MOB1A: variants seen among roughly 807,000 people sequenced by gnomAD.
MOB1A encodes the protein MOB1 Mps One Binder homolog A.
In MOB1A, 10 loss-of-function variants were observed where a neutral mutation model predicts 25.1. That is an observed-to-expected ratio of 0.40 (90% CI 0.25 to 0.68). The LOEUF (loss-of-function observed/expected upper bound fraction) is 0.68, where lower values mean the gene tolerates loss of function less well. Ranked by LOEUF, MOB1A falls within the 30% of genes least tolerant of loss-of-function variation. The pLI is 0.40. For missense variants in MOB1A, 177 were observed against 256.3 expected (o/e 0.69, Z 2.11); for synonymous variants, 81 against 79.5 (o/e 1.02, Z -0.10).
intron 4 of MOB1A, among the ~76,000 whole-genome samples, chr2:74,161,089 T>C (rs941395249): frequency 6.6e-6 from 1 of 152,060 alleles, no homozygotes; most frequent in Non-Finnish European, 1.5e-5. Flanking sequence ...AAACCTACAT[T>C]AGTTGGCCTT....
Position 74,155,051 on chromosome 2 carries a change from A to G in MOB1A, c.*1517T>C, listed in dbSNP as rs1692765363. On this transcript the variant is annotated 3_prime_UTR_variant, in exon 6 of 6. Coordinates refer to ENST00000396049, the MANE Select transcript of MOB1A (RefSeq NM_018221.5). ...AAAAATAAATCTAAAAAAAAACATC[A>G]AATCTAACCTTTATCAAAGCCATCG... 1.3e-5 allele frequency: 2 copies of G among 152,240 alleles called. No homozygotes were observed. Among genetic ancestry groups the G allele is most frequent in the Admixed American group, 1.3e-4 (2 of 15,284 alleles). The allele number at this position is 152,240 out of a possible 1,614,324, so 9.4% of individuals were successfully genotyped here.
intron 1 of MOB1A, 92 bp from the exon 2 acceptor site, chr2:74,172,844 AAAAAT>A (rs1490357137): frequency 7.5e-7 from 1 of 1,332,474 alleles, no homozygotes; most frequent in East Asian, 2.5e-5. Context: ...AGTAGCCTGT[AAAAAT>A]AAAATAAAAA....
At position 74,156,497 on chromosome 2, in the gene MOB1A, A is replaced by G; in HGVS notation, c.*71T>C. 5 of 1,118,030 alleles carry G rather than the reference A, an allele frequency of 4.5e-6. No homozygotes were observed. Among genetic ancestry groups the G allele is most frequent in the Non-Finnish European group, 5.3e-6 (4 of 753,258 alleles). 69.3% of individuals were successfully genotyped at this position (1,118,030 alleles called of 1,614,324 possible). A position where few individuals can be genotyped will look rare whatever the true frequency, so the allele number is the denominator to read the frequency against. On this transcript the variant is annotated 3_prime_UTR_variant, in exon 6 of 6. Transcript: ENST00000396049. ...TTCTTAAAGTTTGTATCACTAGTCT[A>G]TAACAGATAGCAATGAGATAGTTCT...
intron 2 of MOB1A, 81 bp downstream of exon 2, chr2:74,172,505 A>C: frequency 7.5e-7 from 1 of 1,331,524 alleles, no homozygotes; most frequent in Non-Finnish European, 1.0e-6. Context: ...AAACAGTTCT[A>C]ACTGTAAAAG....
rs553156406 is a variant in MOB1A, at chr2:74,156,624, G to A, written c.595C>T (p.Arg199Cys). 3.2e-6 allele frequency: 5 copies of A among 1,554,402 alleles called. No homozygotes were observed. The highest frequency in any genetic ancestry group is 1.9e-5 in the Admixed American group (1 of 51,408). ...AATTCTTGAAGAGGTGCCAGCTCAC[G>A]CCTATCAATCAGATTAAACTCCTAA... is the stretch of plus-strand genomic sequence containing the variant. ...FVQEFNLIDRRELAPLQELIE... is the reference protein window; with the variant it reads ...FVQEFNLIDRCELAPLQELIE... Residue 199 changes from arginine (R) to cysteine (C), a missense_variant, in exon 6 of 6, where the codon CGT becomes TGT. By Grantham distance (180) the Arg-to-Cys change is radical. Transcript: ENST00000396049.
chr2:74,156,803 CTTTTT>C (rs766417864), intron 5 of MOB1A, among the ~76,000 whole-genome samples, 158 bp from the exon 6 acceptor site: 3 of 149,068 alleles, frequency 2.0e-5, no homozygotes, highest in South Asian at 4.3e-4. Flanking sequence ...TATTCTTTTT[CTTTTT>C]TTTTTCTTTT....
intron 2 of MOB1A, among the ~76,000 whole-genome samples, chr2:74,170,001 TG>T (rs2103729219): frequency 6.6e-6 from 1 of 152,244 alleles, no homozygotes; most frequent in Admixed American, 6.5e-5. Context: ...AGAGGGTAAG[TG>T]GATCTGAGAC....
At chr2:74,177,290 T>C (rs575072410) in intron 1 of MOB1A, among the ~76,000 whole-genome samples, 4 of 151,464 alleles carry the variant, frequency 2.6e-5, no homozygotes, top group African/African-American at 9.7e-5. Flanking sequence ...GAGGCAGAGG[T>C]TGCAGTGAGC....
chr2:74,176,441 G>C (rs2103752353), intron 1 of MOB1A, among the ~76,000 whole-genome samples: 1 of 151,566 alleles, frequency 6.6e-6, no homozygotes, highest in South Asian at 2.1e-4. Flanking sequence ...GTATAAAGAA[G>C]TCCTACAACT....
intron 2 of MOB1A, among the ~76,000 whole-genome samples, chr2:74,169,234 G>A (rs1693214406): frequency 6.6e-6 from 1 of 152,220 alleles, no homozygotes; most frequent in African/African-American, 2.4e-5. Flanking sequence ...GGGTGCAGTG[G>A]CTCACGCCTG....
At chr2:74,164,538 A>G (rs1693071890) in intron 4 of MOB1A, 1 of 152,022 alleles carries the variant, frequency 6.6e-6, no homozygotes, top group South Asian at 2.1e-4. Flanking sequence ...AAAATAAAAA[A>G]AGAAAACATG....
rs1693558168 is a variant in MOB1A at position 74,178,847 on chromosome 2, T to G, written c.-173A>C. 1 of 400,392 alleles carries G rather than the reference T, an allele frequency of 2.5e-6. No individual in the cohort carries two copies. 24.8% of individuals were successfully genotyped at this position (400,392 alleles called of 1,614,324 possible). A position where few individuals can be genotyped will look rare whatever the true frequency, so the allele number is the denominator to read the frequency against. ...GCCTTTGCAAACCTCGGCGCCCGCC[T>G]TGCCCGCCTACCCCACCTCGCAGAC... On this transcript the variant is annotated 5_prime_UTR_variant, in exon 1 of 6. Coordinates refer to ENST00000396049, the MANE Select transcript of MOB1A (RefSeq NM_018221.5).
chr2:74,158,773 T>C, intron 5 of MOB1A, among the ~76,000 whole-genome samples: 1 of 131,464 alleles, frequency 7.6e-6, no homozygotes, highest in Non-Finnish European at 1.5e-5. Flanking sequence ...AGTGAGACCC[T>C]GTCTCAAAAA....
At chr2:74,161,827 C>T (rs1211291269) in intron 4 of MOB1A, among the ~76,000 whole-genome samples, 2 of 151,768 alleles carry the variant, frequency 1.3e-5, no homozygotes, top group African/African-American at 2.4e-5. Flanking sequence ...TGGTGGCACA[C>T]GTGCCTGTGG....
chr2:74,160,182 A>G, intron 4 of MOB1A, among the ~76,000 whole-genome samples: 1 of 152,000 alleles, frequency 6.6e-6, no homozygotes, highest in Non-Finnish European at 1.5e-5. Flanking sequence ...GTAATTTGTA[A>G]CTCTAAAGAA....
At chr2:74,170,288 C>G (rs981264925) in intron 2 of MOB1A, among the ~76,000 whole-genome samples, 2 of 151,604 alleles carry the variant, frequency 1.3e-5, no homozygotes, top group African/African-American at 4.8e-5. Context: ...CAGGTGCGTG[C>G]CACCACACCT....
rs527441666 is a variant in MOB1A at position 74,161,627 on chromosome 2, C to A, written c.410-2373G>T. 1.4e-5 allele frequency among the ~76,000 whole-genome samples: 2 copies of A among 142,292 alleles called. 1 individual carries two copies. The highest frequency in any genetic ancestry group is 4.2e-4 in the East Asian group (2 of 4,752). The allele number at this position is 142,292 out of a possible 152,430, so 93.3% of individuals were successfully genotyped here. A position where few individuals can be genotyped will look rare whatever the true frequency, so the allele number is the denominator to read the frequency against. On this transcript the variant is annotated intron_variant, in intron 4 of 5. Transcript: ENST00000396049. ...TCATGCCACTGCACTCCAGCCTGGG[C>A]AACAGAGTGAGACTCCGCCTCAAAA... is the stretch of plus-strand genomic sequence containing the variant.
chr2:74,173,746 C>G (rs540117301), intron 1 of MOB1A, among the ~76,000 whole-genome samples: 2 of 143,322 alleles, frequency 1.4e-5, no homozygotes, highest in Admixed American at 6.9e-5. Flanking sequence ...GTCAGGAGAT[C>G]GAGACCATCC....
At chr2:74,158,317 C>T (rs1358913143) in intron 5 of MOB1A, among the ~76,000 whole-genome samples, 2 of 151,414 alleles carry the variant, frequency 1.3e-5, no homozygotes, top group African/African-American at 2.4e-5. Context: ...GTACAGTACA[C>T]AAAACTATAA....
Sources: allele counts gnomAD v4.1 joint callset (sites outside exome capture counted in the v4.1 genomes callset), GRCh38; gene constraint gnomAD v4.1.1; transcripts MANE v1.5; gene names NCBI Gene and HGNC (gene_info 2026-07-23, HGNC 2026-07-21).